Variants in VRTN observed in about 807,000 individuals in gnomAD.
The protein encoded by VRTN is vertebrae development associated.
In VRTN, 5 loss-of-function variants were observed where a neutral mutation model predicts 18.2. The ratio of observed to expected loss-of-function variants is 0.27; its 90% CI spans 0.14 to 0.58. VRTN has a LOEUF of 0.58. Among genes scored for constraint, VRTN ranks in the 20% least tolerant of loss-of-function variants. VRTN has a pLI of 0.91. For missense variants in VRTN, 741 were observed against 939.4 expected (o/e 0.79, Z 2.76); for synonymous variants, 381 against 393.7 (o/e 0.97, Z 0.38).
At chr14:74,340,790 G>T (rs550448982) in intron 2 of VRTN, among the ~76,000 whole-genome samples, 1 of 152,036 alleles carries the variant, frequency 6.6e-6, no homozygotes, top group African/African-American at 2.4e-5. Context: ...TTGCTCTGTC[G>T]CCCAGGCTGG....
At chr14:74,332,577 G>A (rs1056025328) in intron 1 of VRTN, among the ~76,000 whole-genome samples, 2 of 151,460 alleles carry the variant, frequency 1.3e-5, no homozygotes, top group Admixed American at 6.6e-5. Flanking sequence ...GGCTGGTCTC[G>A]AACTCCCGAC....
chr14:74,314,634 C>T (rs1410439375), intron 1 of VRTN, among the ~76,000 whole-genome samples: 5 of 152,010 alleles, frequency 3.3e-5, no homozygotes, highest in Non-Finnish European at 5.9e-5. Flanking sequence ...TATCTCCTGA[C>T]CTCCATGATC....
At chr14:74,315,963 A>T (rs1022908931) in intron 1 of VRTN, among the ~76,000 whole-genome samples, 3 of 152,154 alleles carry the variant, frequency 2.0e-5, no homozygotes, top group African/African-American at 7.2e-5. Flanking sequence ...CCAATCAGTC[A>T]CTGGGTGTGG....
At chr14:74,313,744 G>A (rs1054830796) in intron 1 of VRTN, among the ~76,000 whole-genome samples, 3 of 152,200 alleles carry the variant, frequency 2.0e-5, no homozygotes, top group African/African-American at 7.2e-5. Flanking sequence ...ACTTTGGTAA[G>A]CTGAGACAGG....
chr14:74,332,150 C>G (rs995546487), intron 1 of VRTN, among the ~76,000 whole-genome samples: 3 of 151,902 alleles, frequency 2.0e-5, no homozygotes, highest in Admixed American at 6.6e-5. Context: ...GGTTTTGGAC[C>G]TTTGTTCTGT....
Position 74,357,357 on chromosome 14 carries a change from C to T in VRTN, c.574C>T (p.Pro192Ser). The change falls in exon 2 of 2, where the codon CCC becomes TCC. Residue 192 changes from proline (P) to serine (S), a missense_variant. Around this residue, in one of 3 missense-constraint regions of VRTN, gnomAD observed 186 missense variants for 288.3 expected, o/e 0.65. Transcript: ENST00000256362. This position sits in a 1 kb window ranked among gnomAD's most constrained non-coding sequence, Gnocchi z 7.8. ...VLQRNIYSIY[P>S]MRNLKIRPYF... ...CCAGCGGAACATCTACTCCATCTAC[C>T]CCATGCGCAACCTCAAGATCCGGCC... 6.2e-7 allele frequency: 1 copy of T among 1,614,042 alleles called. No individual in the cohort carries two copies. Among genetic ancestry groups the T allele is most frequent in the Non-Finnish European group, 8.5e-7 (1 of 1,180,028 alleles).
At chr14:74,303,948 T>C (rs117987197) in intron 1 of VRTN, among the ~76,000 whole-genome samples, 3,289 of 150,432 alleles carry the variant, frequency 0.022, 55 homozygotes, top group Non-Finnish European at 0.035. Flanking sequence ...GCCTCCCGGA[T>C]TGAAGCCATC....
chr14:74,303,114 C>A (rs1320340237), exon 1 of VRTN: 2 of 466,818 alleles, frequency 4.3e-6, no homozygotes, highest in Non-Finnish European at 3.8e-6. Context: ...GCTACAGCGC[C>A]CCCATATTTT....
chr14:74,313,989 T>C (rs2085403997), intron 1 of VRTN, among the ~76,000 whole-genome samples: 1 of 152,052 alleles, frequency 6.6e-6, no homozygotes, highest in African/African-American at 2.4e-5. Context: ...ACCAAAGGAC[T>C]CCCCAACCAT....
At chr14:74,329,068 C>T (rs1316623258) in intron 1 of VRTN, among the ~76,000 whole-genome samples, 1 of 151,920 alleles carries the variant, frequency 6.6e-6, no homozygotes, top group Non-Finnish European at 1.5e-5. Flanking sequence ...GTTGGGAGTT[C>T]CAGACCAGCC....
At chr14:74,335,439 T>C (rs2085557379) in intron 1 of VRTN, among the ~76,000 whole-genome samples, 1 of 152,190 alleles carries the variant, frequency 6.6e-6, no homozygotes, top group African/African-American at 2.4e-5. Context: ...GATTGGCTAG[T>C]TTGATCTAAT....
chr14:74,357,408 C>G lies in VRTN; in HGVS notation c.625C>G (p.Arg209Gly), dbSNP rs1595177318. The part of the protein sequence containing the change: ...RPYFNRVIRP[R>G]RCDHVPSTLH... ...CTACTTCAACCGTGTCATCCGGCCC[C>G]GCCGCTGCGACCACGTGCCCTCCAC... The change falls in exon 2 of 2, where the codon CGC becomes GGC. Residue 209 changes from arginine to glycine, a missense_variant. Arg to Gly is a moderately radical substitution (Grantham distance 125). This residue lies in a region of VRTN where 186 missense variants were observed against 288.3 expected (regional missense o/e 0.65). Transcript: ENST00000256362. This position sits in a 1 kb window ranked among gnomAD's most constrained non-coding sequence, Gnocchi z 7.8. 5.6e-6 allele frequency: 9 copies of G among 1,613,092 alleles called. No individual in the cohort carries two copies. The highest frequency in any genetic ancestry group is 7.6e-6 in the Non-Finnish European group (9 of 1,180,022).
chr14:74,333,458 C>G (rs1279409288), intron 1 of VRTN, among the ~76,000 whole-genome samples: 3 of 151,840 alleles, frequency 2.0e-5, no homozygotes, highest in Non-Finnish European at 4.4e-5. Context: ...CCATTGTACT[C>G]CAGCCTGGGA....
rs1193338561 is a variant in VRTN, at chr14:74,306,726, C to T, written c.-164+3550C>T. 2.7e-5 allele frequency among the ~76,000 whole-genome samples: 4 copies of T among 150,830 alleles called. No homozygotes were observed. In the East Asian group the frequency reaches 7.8e-4, roughly 29 times the overall value. Reference sequence around the variant, plus strand: ...CCTCCCACCTCAATCTCCTGAGTAGCTGGGGCTACAGGTATGCGCCAACAT... The same window carrying T: ...CCTCCCACCTCAATCTCCTGAGTAGTTGGGGCTACAGGTATGCGCCAACAT... On this transcript the variant is annotated intron_variant, in intron 1 of 2. Coordinates refer to the VRTN transcript ENST00000557177.
chr14:74,331,983 A>G (rs1170449613), intron 1 of VRTN, among the ~76,000 whole-genome samples: 3 of 152,212 alleles, frequency 2.0e-5, no homozygotes, highest in Non-Finnish European at 4.4e-5. Context: ...GGAAGGGAGC[A>G]TGTGGCTGAA....
Position 74,357,942 on chromosome 14 carries a change from C to G in VRTN, c.1159C>G (p.Leu387Val). 5 of 1,614,212 alleles carry G rather than the reference C, an allele frequency of 3.1e-6. No individual in the cohort carries two copies. Among genetic ancestry groups the G allele is most frequent in the Non-Finnish European group, 3.4e-6 (4 of 1,180,038 alleles). ...GGAGGAGCAGGTGGCTGAGGAGGAG[C>G]TGGAGTGCTCCGCACTGGCGGTGTC... ...LPEEQVAEEE[L>V]ECSALAVSSP... The change falls in exon 2 of 2, where the codon CTG becomes GTG. Residue 387 changes from leucine (L) to valine (V), a missense_variant. By Grantham distance (32) the Leu-to-Val change is conservative (BLOSUM62 1). Transcript: ENST00000256362. The surrounding 1 kb of genome is among the most constrained non-coding windows in gnomAD (Gnocchi z 7.8).
At chr14:74,336,672 C>G (rs1377012325) in intron 1 of VRTN, among the ~76,000 whole-genome samples, 2 of 151,896 alleles carry the variant, frequency 1.3e-5, no homozygotes, top group Non-Finnish European at 2.9e-5. Context: ...TAAAATGTTC[C>G]CTCCTGGTGA....
At chr14:74,324,403 A>G (rs1009947443) in intron 1 of VRTN, among the ~76,000 whole-genome samples, 122 of 151,482 alleles carry the variant, frequency 8.1e-4, no homozygotes, top group Non-Finnish European at 1.4e-3. Context: ...AAAAAAAAAA[A>G]AAAAAGAAGG....
intron 1 of VRTN, among the ~76,000 whole-genome samples, chr14:74,320,746 C>T (rs2140196548): frequency 6.7e-6 from 1 of 149,598 alleles, no homozygotes; most frequent in East Asian, 2.0e-4. Context: ...GCCACTGAAC[C>T]TGCCTAATTT....
Sources: allele counts gnomAD v4.1 joint callset (sites outside exome capture counted in the v4.1 genomes callset), GRCh38; gene constraint gnomAD v4.1.1; regional missense constraint gnomAD v4.1.1; non-coding constraint Gnocchi (gnomAD v3.1); transcripts MANE v1.5; gene names NCBI Gene and HGNC (gene_info 2026-07-23, HGNC 2026-07-21).